Variants in CDK19 observed in about 807,000 individuals in gnomAD.
CDK19 encodes the protein cyclin dependent kinase 19, also known as cyclin-dependent kinase 19.
In CDK19, 20 loss-of-function variants were observed where a neutral mutation model predicts 68.3. That is an observed-to-expected ratio of 0.29 (90% CI 0.21 to 0.43). The LOEUF (loss-of-function observed/expected upper bound fraction) is 0.43, where lower values mean the gene tolerates loss of function less well. Among genes scored for constraint, CDK19 ranks in the 20% least tolerant of loss-of-function variants. The pLI is 1.00. For missense variants in CDK19, 339 were observed against 623.5 expected (o/e 0.54, Z 4.86); for synonymous variants, 221 against 222.8 (o/e 0.99, Z 0.07).
intron 2 of CDK19, chr6:110,706,677 T>G (rs1774529985): frequency 6.6e-6 from 1 of 152,114 alleles, no homozygotes; most frequent in African/African-American, 2.4e-5. Context: ...CCTCCCAAAG[T>G]GCTGGGATTA....
intron 1 of CDK19, among the ~76,000 whole-genome samples, chr6:110,752,599 A>G (rs1281998501): frequency 6.6e-6 from 1 of 152,212 alleles, no homozygotes; most frequent in Non-Finnish European, 1.5e-5. Flanking sequence ...CACCTATTCT[A>G]TCTCTAAACA....
intron 1 of CDK19, among the ~76,000 whole-genome samples, chr6:110,767,936 A>T (rs1015638769): frequency 1.3e-5 from 2 of 152,212 alleles, no homozygotes; most frequent in African/African-American, 4.8e-5. Context: ...TTGCAAAACA[A>T]ATATCTGATA....
intron 3 of CDK19, among the ~76,000 whole-genome samples, chr6:110,669,475 TCAAACAAA>T (rs1008865085): frequency 2.0e-5 from 3 of 152,042 alleles, no homozygotes; most frequent in African/African-American, 7.2e-5. Context: ...AGACCCTGTC[TCAAACAAA>T]CAAACAAACA....
intron 12 of CDK19, among the ~76,000 whole-genome samples, chr6:110,615,559 G>A (rs796501787): frequency 6.6e-6 from 1 of 152,206 alleles, no homozygotes; most frequent in African/African-American, 2.4e-5. Context: ...AGAAAATTAT[G>A]ACAGTGAAAG....
intron 1 of CDK19, among the ~76,000 whole-genome samples, chr6:110,769,865 G>T (rs970589939): frequency 6.6e-6 from 1 of 152,024 alleles, no homozygotes; most frequent in African/African-American, 2.4e-5. Flanking sequence ...ACAAATATAA[G>T]AATGCATAAT....
At chr6:110,803,359 G>A (rs998688277) in intron 1 of CDK19, among the ~76,000 whole-genome samples, 9 of 152,330 alleles carry the variant, frequency 5.9e-5, no homozygotes, top group Non-Finnish European at 1.3e-4. Context: ...GATTACAGGC[G>A]TGAGCCACCG....
At chr6:110,703,336 G>A (rs1441399457) in intron 2 of CDK19, among the ~76,000 whole-genome samples, 1 of 151,988 alleles carries the variant, frequency 6.6e-6, no homozygotes, top group Non-Finnish European at 1.5e-5. Flanking sequence ...GGTGCTTAGG[G>A]AAATATATTA....
chr6:110,788,103 T>C (rs905818567), intron 1 of CDK19, among the ~76,000 whole-genome samples: 4 of 151,842 alleles, frequency 2.6e-5, no homozygotes, highest in African/African-American at 9.7e-5. Context: ...GCCTCCCAAA[T>C]TGCTGGGATT....
At chr6:110,768,156 C>T (rs1335478672) in intron 1 of CDK19, among the ~76,000 whole-genome samples, 3 of 152,200 alleles carry the variant, frequency 2.0e-5, no homozygotes, top group Non-Finnish European at 4.4e-5. Context: ...AGATGCTCAA[C>T]TCTCATGTCA....
At chr6:110,675,823 T>A (rs1219082216) in intron 2 of CDK19, among the ~76,000 whole-genome samples, 2 of 152,162 alleles carry the variant, frequency 1.3e-5, no homozygotes. Context: ...ATGCACCTGG[T>A]CACCCAAAAG....
At chr6:110,797,233 G>A (rs947801099) in intron 1 of CDK19, among the ~76,000 whole-genome samples, 38 of 151,380 alleles carry the variant, frequency 2.5e-4, no homozygotes, top group African/African-American at 4.1e-4. Context: ...CCAGGTACTC[G>A]GGAGGCTGAG....
intron 4 of CDK19, among the ~76,000 whole-genome samples, chr6:110,655,543 CTCT>C (rs1387410346): frequency 6.6e-6 from 1 of 152,120 alleles, no homozygotes; most frequent in Non-Finnish European, 1.5e-5. Context: ...GTCAAAACTC[CTCT>C]TTTTTTGGTT....
At chr6:110,637,670 A>G (rs1476944670) in intron 5 of CDK19, among the ~76,000 whole-genome samples, 3 of 152,238 alleles carry the variant, frequency 2.0e-5, no homozygotes, top group Non-Finnish European at 4.4e-5. Context: ...TTCAATAAAT[A>G]TAATTTCTAG....
chr6:110,769,663 A>C (rs1042967400), intron 1 of CDK19, among the ~76,000 whole-genome samples: 4 of 152,012 alleles, frequency 2.6e-5, no homozygotes, highest in Non-Finnish European at 5.9e-5. Context: ...GTTTTCTGTA[A>C]ACCTAAAACT....
At chr6:110,668,143 CA>C (rs2114423868) in intron 3 of CDK19, among the ~76,000 whole-genome samples, 1 of 152,222 alleles carries the variant, frequency 6.6e-6, no homozygotes, top group South Asian at 2.1e-4. Flanking sequence ...TCACCATATT[CA>C]AATTTTTATA....
intron 2 of CDK19, among the ~76,000 whole-genome samples, chr6:110,694,949 T>C (rs1394261643): frequency 6.6e-6 from 1 of 152,186 alleles, no homozygotes. Context: ...AAACCCCATC[T>C]CTACTAAAAA....
intron 1 of CDK19, among the ~76,000 whole-genome samples, chr6:110,787,152 C>G (rs1015478452): frequency 6.6e-6 from 1 of 152,142 alleles, no homozygotes; most frequent in Non-Finnish European, 1.5e-5. Flanking sequence ...ACGGGCGGAT[C>G]ACTTGAAGTC....
chr6:110,663,864 A>G (rs1781759519), intron 4 of CDK19, among the ~76,000 whole-genome samples: 1 of 152,162 alleles, frequency 6.6e-6, no homozygotes, highest in Non-Finnish European at 1.5e-5. Flanking sequence ...AGAGTTACTC[A>G]CTTGAGGAGT....
At chr6:110,794,290 G>C (rs909949949) in intron 1 of CDK19, among the ~76,000 whole-genome samples, 1 of 151,704 alleles carries the variant, frequency 6.6e-6, no homozygotes, top group African/African-American at 2.4e-5. Flanking sequence ...CAGGTGATCC[G>C]CCCACCTCGG....
Sources: gnomAD v4.1 joint callset for allele counts (sites outside exome capture counted in the v4.1 genomes callset) on GRCh38, gnomAD v4.1.1 for gene constraint, MANE v1.5 for transcripts, NCBI Gene and HGNC (gene_info 2026-07-23, HGNC 2026-07-21) for gene names.